NTN4: variants seen among roughly 807,000 people sequenced by gnomAD.
The protein encoded by NTN4 is netrin 4.
NTN4 carries 32 observed loss-of-function variants against 73.6 expected under a neutral mutation model. That is an observed-to-expected ratio of 0.44 (90% CI 0.33 to 0.58). The LOEUF (loss-of-function observed/expected upper bound fraction) is 0.58, where lower values mean the gene tolerates loss of function less well. Among genes scored for constraint, NTN4 ranks in the 20% least tolerant of loss-of-function variants. The pLI, the probability that NTN4 is intolerant of heterozygous loss-of-function variation, is 0.04. For synonymous variants in NTN4, 258 were observed against 287.5 expected (o/e 0.90, Z 1.04); for missense variants, 654 against 798.3 (o/e 0.82, Z 2.18).
chr12:95,671,976 T>C (rs986084958), intron 7 of NTN4, among the ~76,000 whole-genome samples: 3 of 151,976 alleles, frequency 2.0e-5, no homozygotes, highest in Non-Finnish European at 2.9e-5. Context: ...TTTACATTAA[T>C]TTACTCATTT....
intron 2 of NTN4, among the ~76,000 whole-genome samples, chr12:95,768,896 G>C (rs2079037752): frequency 6.6e-6 from 1 of 152,148 alleles, no homozygotes; most frequent in Non-Finnish European, 1.5e-5. Context: ...GGCTGAAGGA[G>C]AGAAAGGAAT....
rs186273655 is a variant in NTN4, at chr12:95,781,268, G to A, written c.585+5671C>T. On this transcript the variant is annotated intron_variant, in intron 2 of 9. Transcript: ENST00000343702. This position sits in a 1 kb window ranked among gnomAD's most constrained non-coding sequence, Gnocchi z 4.1. The stretch of plus-strand genomic sequence containing the variant: ...GTATACATATGTAACAAACCTGCAC[G>A]TTGTGCACATGTACCCTAGAACTTA... Among the ~76,000 whole-genome samples the A allele has an allele frequency of 3.2e-4, 48 of 151,942 alleles. No homozygotes were observed. The highest frequency in any genetic ancestry group is 8.9e-4 in the African/African-American group (37 of 41,416).
chr12:95,698,462 G>A (rs888566877), intron 5 of NTN4, among the ~76,000 whole-genome samples: 2 of 152,148 alleles, frequency 1.3e-5, no homozygotes, highest in African/African-American at 4.8e-5. Context: ...GTGAATTACT[G>A]CATTCCACTT....
intron 2 of NTN4, among the ~76,000 whole-genome samples, chr12:95,758,316 T>C (rs1001460068): frequency 6.6e-6 from 1 of 152,204 alleles, no homozygotes; most frequent in African/African-American, 2.4e-5. Context: ...TAGTTTGTAT[T>C]TCCCTGTTGA....
At position 95,676,757 on chromosome 12, in the gene NTN4, G is replaced by C. The variant is rs74532700; in HGVS notation, c.1510+5950C>G. 1.4e-4 allele frequency among the ~76,000 whole-genome samples: 22 copies of C among 151,886 alleles called. No individual in the cohort carries two copies. The East Asian group carries it at 4.3e-3, about 29-fold the overall frequency. On this transcript the variant is annotated intron_variant, in intron 7 of 9. Coordinates refer to ENST00000343702, the MANE Select transcript of NTN4 (RefSeq NM_021229.4). ...AGTGAAATAAAGAAAAATTAAATAG[G>C]TTGGATCAAGTTAACCAAAAGTTAA...
intron 7 of NTN4, chr12:95,673,176 A>G (rs1451120029): frequency 3.6e-5 from 20 of 561,204 alleles, no homozygotes; most frequent in Non-Finnish European, 6.0e-5. Flanking sequence ...AGGCATCTTG[A>G]GCTGTAGCTG....
chr12:95,757,211 T>A (rs146997714), intron 2 of NTN4, among the ~76,000 whole-genome samples: 2 of 152,284 alleles, frequency 1.3e-5, no homozygotes, highest in African/African-American at 2.4e-5. Context: ...ATGGCTTACA[T>A]TTTATAAACT....
intron 1 of NTN4, 33 bp from the exon 2 acceptor site, chr12:95,787,501 A>G: frequency 6.3e-7 from 1 of 1,597,822 alleles, no homozygotes. Flanking sequence ...GATGCAAGAC[A>G]AACCCATCTG....
At chr12:95,710,389 A>T in intron 5 of NTN4, 52 bp downstream of exon 5, 123 of 1,335,042 alleles carry the variant, frequency 9.2e-5, no homozygotes, top group Non-Finnish European at 1.2e-4. Flanking sequence ...GGATAAAGAG[A>T]TTCATCTCTT....
intron 5 of NTN4, among the ~76,000 whole-genome samples, chr12:95,708,541 G>C (rs1250280254): frequency 1.3e-5 from 2 of 151,948 alleles, no homozygotes; most frequent in African/African-American, 4.8e-5. Flanking sequence ...ACAGGCCTGA[G>C]CCACTGCGCC....
At chr12:95,732,429 GT>G (rs2078745183) in intron 3 of NTN4, among the ~76,000 whole-genome samples, 1 of 111,720 alleles carries the variant, frequency 9.0e-6, no homozygotes, top group African/African-American at 3.5e-5. Context: ...CCAGACAAGA[GT>G]TTCGCTCTTG....
chr12:95,708,215 T>G (rs2121075844), intron 5 of NTN4, among the ~76,000 whole-genome samples: 1 of 151,938 alleles, frequency 6.6e-6, no homozygotes, highest in East Asian at 1.9e-4. Flanking sequence ...GACATGACAG[T>G]TATTATAATA....
At chr12:95,788,711 G>T (rs2079186588) in intron 1 of NTN4, among the ~76,000 whole-genome samples, 1 of 152,158 alleles carries the variant, frequency 6.6e-6, no homozygotes. Context: ...CAACTAAAGG[G>T]CTTCCTTAGG....
chr12:95,773,762 G>C (rs1412274892), intron 2 of NTN4, among the ~76,000 whole-genome samples: 3 of 151,646 alleles, frequency 2.0e-5, no homozygotes, highest in Non-Finnish European at 4.4e-5. Flanking sequence ...TCACTATGTA[G>C]CATTCTACAT....
chr12:95,770,992 G>GTT (rs762519015), intron 2 of NTN4, among the ~76,000 whole-genome samples: 2 of 70,792 alleles, frequency 2.8e-5, no homozygotes, highest in Non-Finnish European at 3.4e-5. Flanking sequence ...AAAAGAATTT[G>GTT]TTTTTTTTTT....
intron 5 of NTN4, among the ~76,000 whole-genome samples, chr12:95,706,678 T>C (rs1004139878): frequency 2.6e-5 from 4 of 152,182 alleles, no homozygotes; most frequent in African/African-American, 9.7e-5. Flanking sequence ...CAACGTTTTC[T>C]TGCACTATTC....
rs1200620790 is a variant in NTN4, at chr12:95,697,411, G to A, written c.1180+13030C>T. Among the ~76,000 whole-genome samples, 4 of 152,178 alleles carry A rather than the reference G, an allele frequency of 2.6e-5. No individual in the cohort carries two copies. In the East Asian group the frequency reaches 7.7e-4, roughly 29 times the overall value. The stretch of plus-strand genomic sequence containing the variant: ...TAGAAAGTTGCTGTAGTATCCTTGA[G>A]AAATTTCCTGGATAATCTGACAATA... On this transcript the variant is annotated intron_variant, in intron 5 of 9. Transcript: ENST00000343702.
chr12:95,672,843 G>T (rs536163918), intron 7 of NTN4: 7 of 1,379,750 alleles, frequency 5.1e-6, no homozygotes, highest in Admixed American at 1.7e-5. Flanking sequence ...AAGGGAAATG[G>T]GTACTGATTG....
chr12:95,742,421 A>G (rs896833879), intron 2 of NTN4, among the ~76,000 whole-genome samples: 2 of 152,124 alleles, frequency 1.3e-5, no homozygotes, highest in African/African-American at 4.8e-5. Flanking sequence ...TGAAAATTTA[A>G]ACAGAGCATC....
Sources: allele counts gnomAD v4.1 joint callset (sites outside exome capture counted in the v4.1 genomes callset), GRCh38; gene constraint gnomAD v4.1.1; non-coding constraint Gnocchi (gnomAD v3.1); transcripts MANE v1.5; gene names NCBI Gene and HGNC (gene_info 2026-07-23, HGNC 2026-07-21).